Variants in CMIP observed in about 807,000 individuals in gnomAD.
CMIP encodes the protein c-Maf inducing protein, also known as C-Maf-inducing protein.
A neutral mutation model predicts 97.3 loss-of-function variants in CMIP; 13 were observed. That is an observed-to-expected ratio of 0.13 (90% CI 0.09 to 0.21). The LOEUF (loss-of-function observed/expected upper bound fraction) is 0.21. CMIP is among the 10% of genes least tolerant of loss of function. The pLI, the probability that CMIP is intolerant of heterozygous loss-of-function variation, is 1.00. For synonymous variants in CMIP, 538 were observed against 436.3 expected, an observed-to-expected ratio of 1.23 and a Z score of -2.91; for missense variants, 847 against 1,024.9, an observed-to-expected ratio of 0.83 and a Z score of 2.37.
intron 1 of CMIP, among the ~76,000 whole-genome samples, chr16:81,531,749 A>T (rs1011209347): frequency 1.3e-5 from 2 of 152,192 alleles, no homozygotes; most frequent in Non-Finnish European, 2.9e-5. Flanking sequence ...CCCGTGTGTC[A>T]TGGCTTTTCC....
chr16:81,458,605 G>C (rs575274876), intron 1 of CMIP, among the ~76,000 whole-genome samples: 2 of 152,168 alleles, frequency 1.3e-5, no homozygotes, highest in Non-Finnish European at 2.9e-5. Context: ...TTTGAAACCC[G>C]CACACTGTTT....
chr16:81,467,426 C>G (rs770536197), intron 1 of CMIP, among the ~76,000 whole-genome samples: 1 of 152,172 alleles, frequency 6.6e-6, no homozygotes, highest in Non-Finnish European at 1.5e-5. Flanking sequence ...CTCTTTACCC[C>G]GTAAAGGCCT....
intron 1 of CMIP, among the ~76,000 whole-genome samples, chr16:81,568,258 C>T (rs547809459): frequency 5.1e-4 from 78 of 152,230 alleles, no homozygotes; most frequent in African/African-American, 1.8e-3. Context: ...TCACCCTTGG[C>T]TCTGACCTCA....
At chr16:81,586,129 G>A (rs988416923) in intron 1 of CMIP, among the ~76,000 whole-genome samples, 24 of 151,534 alleles carry the variant, frequency 1.6e-4, no homozygotes, top group African/African-American at 4.6e-4. Flanking sequence ...TTTGGGGTGG[G>A]GGTGGGTCTA....
At chr16:81,675,080 T>TA (rs1904287581) in intron 9 of CMIP, among the ~76,000 whole-genome samples, 1 of 152,218 alleles carries the variant, frequency 6.6e-6, no homozygotes, top group East Asian at 1.9e-4. Flanking sequence ...AGGTGATATT[T>TA]ACGTTAATAC....
chr16:81,682,655 C>T (rs1313831675), intron 10 of CMIP, among the ~76,000 whole-genome samples: 1 of 152,090 alleles, frequency 6.6e-6, no homozygotes, highest in African/African-American at 2.4e-5. Flanking sequence ...ACGCTTAGAG[C>T]GAACCACATC....
chr16:81,543,247 C>A (rs2090481527), intron 1 of CMIP, among the ~76,000 whole-genome samples: 1 of 152,226 alleles, frequency 6.6e-6, no homozygotes, highest in Non-Finnish European at 1.5e-5. Flanking sequence ...GGCAAAGTGA[C>A]ACCTGTGGGC....
chr16:81,494,519 C>T (rs1195271766), intron 1 of CMIP, among the ~76,000 whole-genome samples: 6 of 152,146 alleles, frequency 3.9e-5, no homozygotes, highest in East Asian at 1.9e-4. Flanking sequence ...GGGGTGTAAG[C>T]GGAACAGGAC....
chr16:81,681,414 T>C (rs1257559682), intron 10 of CMIP, among the ~76,000 whole-genome samples: 1 of 152,152 alleles, frequency 6.6e-6, no homozygotes, highest in East Asian at 1.9e-4. Context: ...CCGTGCCACA[T>C]ACTAGTTGTG....
rs1350797773 is a variant in CMIP, at chr16:81,445,278, C to T, written c.37C>T (p.Pro13Ser). Reference sequence around the variant, plus strand: ...CAGCAGCTCGGGCGGCGGCGGCGACCCCCGGCAGATCGAGGAGACCAAGCC... The same window carrying T: ...CAGCAGCTCGGGCGGCGGCGGCGACTCCCGGCAGATCGAGGAGACCAAGCC... The part of the protein sequence containing the change: ...VTSSSGGGGD[P>S]RQIEETKPLL... Residue 13 changes from proline (P) to serine (S), a missense_variant, in exon 1 of 21, where the codon CCC becomes TCC. Transcript: ENST00000537098. The T allele has an allele frequency of 3.2e-6, 5 of 1,546,784 alleles. No individual in the cohort carries two copies. The highest frequency in any genetic ancestry group is 4.4e-6 in the Non-Finnish European group (5 of 1,148,260).
At chr16:81,578,563 G>A (rs867675827) in intron 1 of CMIP, among the ~76,000 whole-genome samples, 3 of 152,222 alleles carry the variant, frequency 2.0e-5, no homozygotes, top group Non-Finnish European at 2.9e-5. Flanking sequence ...GGAGAGAGCT[G>A]TCCTTGTGAA....
At chr16:81,482,870 G>A (rs901782031) in intron 1 of CMIP, among the ~76,000 whole-genome samples, 4 of 152,226 alleles carry the variant, frequency 2.6e-5, no homozygotes, top group African/African-American at 9.6e-5. Flanking sequence ...GGGTCAGCGA[G>A]GCAGGTCATG....
At chr16:81,693,253 G>A (rs772945981) in intron 12 of CMIP, 69 bp downstream of exon 12, 23 of 1,491,086 alleles carry the variant, frequency 1.5e-5, no homozygotes, top group Middle Eastern at 1.7e-4. Context: ...TCTTCCCTCC[G>A]TGGCCCATGC....
chr16:81,476,310 A>G, intron 1 of CMIP: 1 of 1,546,360 alleles, frequency 6.5e-7, no homozygotes, highest in Non-Finnish European at 8.9e-7. Context: ...CAGTGCCATT[A>G]CGGCGTGTGA....
intron 1 of CMIP, among the ~76,000 whole-genome samples, chr16:81,516,619 C>T (rs575955814): frequency 6.6e-6 from 1 of 152,318 alleles, no homozygotes; most frequent in East Asian, 1.9e-4. Context: ...CTCGTCAGTG[C>T]GCGGGCACTT....
chr16:81,606,933 G>C (rs1467312267), intron 1 of CMIP: 2 of 155,026 alleles, frequency 1.3e-5, no homozygotes, highest in Non-Finnish European at 2.9e-5. Flanking sequence ...GGCTGAGTTT[G>C]AGGCACTGTT....
chr16:81,603,123 A>G (rs2091684697), intron 1 of CMIP, among the ~76,000 whole-genome samples: 1 of 152,140 alleles, frequency 6.6e-6, no homozygotes, highest in Non-Finnish European at 1.5e-5. Context: ...TCTGTTGCCC[A>G]GGCTACAGTG....
chr16:81,528,709 C>G (rs568635652), intron 1 of CMIP, among the ~76,000 whole-genome samples: 13 of 152,314 alleles, frequency 8.5e-5, no homozygotes, highest in African/African-American at 3.1e-4. Context: ...GCTTCTTCCT[C>G]ATGTTGTTAA....
intron 1 of CMIP, among the ~76,000 whole-genome samples, chr16:81,500,845 TC>T (rs2089596718): frequency 6.6e-6 from 1 of 152,116 alleles, no homozygotes; most frequent in Non-Finnish European, 1.5e-5. Flanking sequence ...CTCCCTTCCT[TC>T]TTTCTTTCCT....
Sources: allele counts gnomAD v4.1 joint callset (sites outside exome capture counted in the v4.1 genomes callset), GRCh38; gene constraint gnomAD v4.1.1; transcripts MANE v1.5; gene names NCBI Gene and HGNC (gene_info 2026-07-23, HGNC 2026-07-21).